RASGRF1: variants seen among roughly 807,000 people sequenced by gnomAD.
RASGRF1 encodes the protein Ras protein specific guanine nucleotide releasing factor 1.
RASGRF1 carries 40 observed loss-of-function variants against 138.7 expected under a neutral mutation model. The observed-to-expected ratio is 0.29, with a 90% CI of 0.22 to 0.38. The LOEUF (loss-of-function observed/expected upper bound fraction) is 0.38. Ranked by LOEUF, RASGRF1 falls within the 10% of genes least tolerant of loss-of-function variation. RASGRF1 has a pLI of 1.00. For missense variants in RASGRF1, 1,108 were observed against 1,650.4 expected (o/e 0.67, Z 5.69); for synonymous variants, 614 against 663.2 (o/e 0.93, Z 1.14).
intron 22 of RASGRF1, chr15:78,985,557 T>G: frequency 5.3e-6 from 1 of 188,546 alleles, no homozygotes. Context: ...AGAGATCAAA[T>G]TCCCAAATGG....
chr15:78,985,114 T>C lies in RASGRF1; in HGVS notation c.3307A>G (p.Ile1103Val), dbSNP rs2056122132. The C allele has an allele frequency of 6.2e-7, 1 of 1,613,628 alleles. No homozygotes were observed. The highest frequency in any genetic ancestry group is 8.5e-7 in the Non-Finnish European group (1 of 1,179,532). ...TTGTAGTTGTGGAGGCAGCGGCATA[T>C]GTCAGCTACGGCCACCCACTTCTCG... ...AIEKWVAVADICRCLHNYNAV... is the reference protein window; with the variant it reads ...AIEKWVAVADVCRCLHNYNAV... The change falls in exon 23 of 27, where the codon ATA becomes GTA. Residue 1103 changes from isoleucine to valine, a missense_variant. By Grantham distance (29) the Ile-to-Val change is conservative. Coordinates refer to ENST00000558480, the MANE Select transcript of RASGRF1 (RefSeq NM_001145648.3).
chr15:79,056,069 G>T (rs1392256865), intron 3 of RASGRF1, among the ~76,000 whole-genome samples: 1 of 152,164 alleles, frequency 6.6e-6, no homozygotes, highest in African/African-American at 2.4e-5. Flanking sequence ...TGAGGCAGGG[G>T]TCCCCCAGGG....
At chr15:79,066,880 G>A (rs2057687778) in intron 1 of RASGRF1, among the ~76,000 whole-genome samples, 1 of 152,238 alleles carries the variant, frequency 6.6e-6, no homozygotes, top group African/African-American at 2.4e-5. Flanking sequence ...GAAGCCGGCC[G>A]CAGGCTACCC....
chr15:79,048,941 G>A (rs1300085346), intron 4 of RASGRF1, among the ~76,000 whole-genome samples: 1 of 152,216 alleles, frequency 6.6e-6, no homozygotes, highest in Non-Finnish European at 1.5e-5. Context: ...GGTGGCCCAT[G>A]GTATGTCACT....
In RASGRF1 at chr15:79,058,339, C is replaced by T; in HGVS notation, c.526G>A (p.Ala176Thr). ...DGEIEIERLK[A>T]EITSLLKDNE... Reference sequence around the variant, plus strand: ...ACCCCCCAGCCCGCAGTCACCTCTGCCTTCAGCCGCTCGATCTCGATCTCC... The same window carrying T: ...ACCCCCCAGCCCGCAGTCACCTCTGTCTTCAGCCGCTCGATCTCGATCTCC... Residue 176 changes from alanine (A) to threonine (T), a missense_variant, in exon 3 of 27, where the codon GCA (alanine) becomes ACA (threonine). Transcript: ENST00000558480. The T allele has an allele frequency of 4.3e-6, 7 of 1,613,190 alleles. No individual in the cohort carries two copies. The highest frequency in any genetic ancestry group is 5.9e-6 in the Non-Finnish European group (7 of 1,179,966).
At position 79,073,346 on chromosome 15, in the gene RASGRF1, C is replaced by T. The variant is rs1261543230; in HGVS notation, c.277-8820G>A. Among the ~76,000 whole-genome samples the T allele has an allele frequency of 1.3e-5, 2 of 152,130 alleles. No individual in the cohort carries two copies. Among genetic ancestry groups the T allele is most frequent in the East Asian group, 1.9e-4 (1 of 5,194 alleles). On this transcript the variant is annotated intron_variant, in intron 1 of 26. Transcript: ENST00000558480. This position sits in a 1 kb window ranked among gnomAD's most constrained non-coding sequence, Gnocchi z 4.2. ...GTGGGGAAGCTGGGCTGGGGCTCTT[C>T]CCTTAACTGGACTGGAGCCAGGTAG...
chr15:79,072,425 G>A (rs1316657631), intron 1 of RASGRF1, among the ~76,000 whole-genome samples: 2 of 151,726 alleles, frequency 1.3e-5, no homozygotes, highest in Non-Finnish European at 2.9e-5. Flanking sequence ...ACAGGCGTCT[G>A]CCACCACGCC....
chr15:79,061,584 C>G (rs1483505681), intron 2 of RASGRF1, among the ~76,000 whole-genome samples: 2 of 152,012 alleles, frequency 1.3e-5, no homozygotes, highest in Non-Finnish European at 2.9e-5. Flanking sequence ...CCCTGTCAAT[C>G]CCTACACCAG....
intron 1 of RASGRF1, among the ~76,000 whole-genome samples, chr15:79,088,160 C>T (rs533391209): frequency 1.3e-5 from 2 of 152,288 alleles, no homozygotes; most frequent in South Asian, 4.1e-4. Context: ...CTGATTCTGC[C>T]ACTGATTTAC....
intron 1 of RASGRF1, among the ~76,000 whole-genome samples, chr15:79,069,205 T>C (rs1313153980): frequency 6.6e-6 from 1 of 152,280 alleles, no homozygotes; most frequent in East Asian, 1.9e-4. Context: ...AGCTGAAGAA[T>C]GAGTGAATGA....
intron 1 of RASGRF1, among the ~76,000 whole-genome samples, chr15:79,066,772 G>A (rs1272172692): frequency 1.3e-5 from 2 of 152,194 alleles, no homozygotes; most frequent in African/African-American, 2.4e-5. Flanking sequence ...AGACCCTCCA[G>A]GCCTGAACCC....
rs1053631300 is a variant in RASGRF1 at position 78,973,550 on chromosome 15, TAC to T, written c.3495-132_3495-131del. 20 of 678,412 alleles carry T rather than the reference TAC, an allele frequency of 2.9e-5. No homozygotes were observed. The African/African-American group carries it at 3.6e-4, about 12-fold the overall frequency. 42.0% of individuals were successfully genotyped at this position (678,412 alleles called of 1,614,324 possible). A position where few individuals can be genotyped will look rare whatever the true frequency, so the allele number is the denominator to read the frequency against. ...GACTTGCAGTCACCAAGAATCACAC[TAC>T]ACTCTAGAACTGACTATTCTACACG... On this transcript the variant is annotated intron_variant, in intron 24 of 26. Transcript: ENST00000558480. The surrounding 1 kb of genome is among the most constrained non-coding windows in gnomAD (Gnocchi z 4.9).
rs1346009042 is a variant in RASGRF1, at chr15:78,973,807, G to A, written c.3495-387C>T. On this transcript the variant is annotated intron_variant, in intron 24 of 26. Transcript: ENST00000558480. The surrounding 1 kb of genome is among the most constrained non-coding windows in gnomAD (Gnocchi z 4.9). ...TCTCTCCCTGAGACTCTCCCATCCG[G>A]ATCCTCCCCCGAATCACCTCCTGGA... 1.3e-5 allele frequency among the ~76,000 whole-genome samples: 2 copies of A among 152,070 alleles called. No homozygotes were observed. The highest frequency in any genetic ancestry group is 2.9e-5 in the Non-Finnish European group (2 of 67,958).
intron 20 of RASGRF1, 44 bp downstream of exon 20, chr15:78,995,696 T>TG: frequency 6.2e-7 from 1 of 1,607,800 alleles, no homozygotes; most frequent in Non-Finnish European, 8.5e-7. Flanking sequence ...GGCAGGAGGA[T>TG]GGGGAGGAAA....
intron 1 of RASGRF1, among the ~76,000 whole-genome samples, chr15:79,069,881 C>T (rs2057731675): frequency 6.6e-6 from 1 of 152,210 alleles, no homozygotes; most frequent in South Asian, 2.1e-4. Context: ...AAACCCATAT[C>T]CCACAACCTA....
Position 79,090,319 on chromosome 15 carries a change from C to A in RASGRF1, c.180G>T (p.Ser60=). Residue 60 remains serine (S), a synonymous_variant, in exon 1 of 27, where the codon TCG becomes TCT. Coordinates refer to ENST00000558480, the MANE Select transcript of RASGRF1 (RefSeq NM_001145648.3). Reference sequence around the variant, plus strand: ...CCAGCAGGTAAAGCCCCGAGGGCCGCGAGCTCGAGTCGCTCTCGAAGTAGA... The same window carrying A: ...CCAGCAGGTAAAGCCCCGAGGGCCGAGAGCTCGAGTCGCTCTCGAAGTAGA... ...LLFYFESDSS[S]RPSGLYLLEG... is the part of the protein sequence containing the mutation. 6.2e-7 allele frequency: 1 copy of A among 1,613,868 alleles called. No homozygotes were observed. The highest frequency in any genetic ancestry group is 8.5e-7 in the Non-Finnish European group (1 of 1,179,960).
intron 1 of RASGRF1, among the ~76,000 whole-genome samples, chr15:79,089,477 C>T (rs1160942421): frequency 1.3e-5 from 2 of 152,232 alleles, no homozygotes; most frequent in African/African-American, 2.4e-5. Flanking sequence ...GCGCTATAGC[C>T]GCGACTGCGG....
intron 1 of RASGRF1, among the ~76,000 whole-genome samples, chr15:79,074,682 G>A (rs1439150786): frequency 6.6e-6 from 1 of 152,182 alleles, no homozygotes; most frequent in African/African-American, 2.4e-5. Flanking sequence ...GGGTCCAACT[G>A]CAGTTGTATG....
rs748142159 is a variant in RASGRF1, at chr15:78,990,133, T to C, written c.3216+56A>G. The C allele has an allele frequency of 2.9e-6, 4 of 1,371,130 alleles. No homozygotes were observed. In the East Asian group the frequency reaches 9.1e-5, roughly 31 times the overall value. The allele number at this position is 1,371,130 out of a possible 1,614,324, so 84.9% of individuals were successfully genotyped here. A position where few individuals can be genotyped will look rare whatever the true frequency, so the allele number is the denominator to read the frequency against. On this transcript the variant is annotated intron_variant, in intron 22 of 26. Transcript: ENST00000558480. ...ATAGCCCGTTCTCTACCCAGCCTCT[T>C]GAGCGTCTTGCCAAAGAAAAACCCC... is the stretch of plus-strand genomic sequence containing the variant.
Sources: gnomAD v4.1 joint callset for allele counts (sites outside exome capture counted in the v4.1 genomes callset) on GRCh38, gnomAD v4.1.1 for gene constraint, Gnocchi (gnomAD v3.1) non-coding constraint, MANE v1.5 for transcripts, NCBI Gene and HGNC (gene_info 2026-07-23, HGNC 2026-07-21) for gene names.